The following QTMAN variants were observed in gnomAD, a reference collection of about 807,000 sequenced individuals.
The protein encoded by QTMAN is tRNA-queuosine alpha-mannosyltransferase.
chr2:143,984,735 G>A, the QTMAN span, among the ~76,000 whole-genome samples: 2 of 152,208 alleles, frequency 1.3e-5, no homozygotes, highest in South Asian at 2.1e-4. Flanking sequence ...TGAACATCGA[G>A]AGGAGAAGCA....
chr2:144,048,252 A>AAT, the QTMAN span, among the ~76,000 whole-genome samples: 1 of 152,234 alleles, frequency 6.6e-6, no homozygotes, highest in Non-Finnish European at 1.5e-5. Context: ...CTCAGCAATT[A>AAT]ATATACATGG....
chr2:144,292,718 G>A, the QTMAN span, among the ~76,000 whole-genome samples: 4 of 151,822 alleles, frequency 2.6e-5, no homozygotes, highest in Admixed American at 6.6e-5. Flanking sequence ...CAATAAACTG[G>A]GACATGTCTA....
At chr2:143,953,931 C>T in the QTMAN span, among the ~76,000 whole-genome samples, 1 of 151,726 alleles carries the variant, frequency 6.6e-6, no homozygotes, top group African/African-American at 2.4e-5. Context: ...CCCTATTTTC[C>T]TATGTTAAGT....
chr2:144,090,534 A>G, the QTMAN span, among the ~76,000 whole-genome samples: 1 of 152,086 alleles, frequency 6.6e-6, no homozygotes, highest in East Asian at 1.9e-4. Flanking sequence ...GATACAAGAT[A>G]AAAATATAAA....
chr2:144,043,632 CAAA>C, the QTMAN span, among the ~76,000 whole-genome samples: 3 of 132,746 alleles, frequency 2.3e-5, no homozygotes, highest in Admixed American at 7.6e-5. Context: ...GACTCCGTCG[CAAA>C]AAAAAAAAAA....
At chr2:144,321,431 G>A in the QTMAN span, among the ~76,000 whole-genome samples, 26 of 152,304 alleles carry the variant, frequency 1.7e-4, no homozygotes, top group African/African-American at 6.0e-4. Flanking sequence ...TAATGAGGCT[G>A]AAACACTCAT....
chr2:144,184,144 T>C, the QTMAN span, among the ~76,000 whole-genome samples: 1 of 152,190 alleles, frequency 6.6e-6, no homozygotes, highest in East Asian at 1.9e-4. Flanking sequence ...TTTATTATTT[T>C]TTTTTATTAA....
chr2:144,182,786 T>TATATATATA, the QTMAN span, among the ~76,000 whole-genome samples: 1 of 16,442 alleles, frequency 6.1e-5, no homozygotes, highest in Non-Finnish European at 1.7e-4. Context: ...TCAGGTACAT[T>TATATATATA]ATATATATAT....
chr2:144,043,283 T>C, the QTMAN span, among the ~76,000 whole-genome samples: 2 of 151,968 alleles, frequency 1.3e-5, no homozygotes, highest in African/African-American at 4.8e-5. Context: ...GTTAAACATA[T>C]ATATATATAT....
the QTMAN span, among the ~76,000 whole-genome samples, chr2:144,207,327 T>C: frequency 1.3e-5 from 2 of 152,186 alleles, no homozygotes; most frequent in Non-Finnish European, 2.9e-5. Flanking sequence ...ATAATTTTCA[T>C]ACAGAAAATC....
chr2:144,245,408 T>C, the QTMAN span, among the ~76,000 whole-genome samples: 5 of 152,234 alleles, frequency 3.3e-5, no homozygotes, highest in South Asian at 2.1e-4. Context: ...GTTGAAAATT[T>C]GTGGAAAAGT....
At chr2:143,958,958 G>A in the QTMAN span, among the ~76,000 whole-genome samples, 27 of 151,956 alleles carry the variant, frequency 1.8e-4, no homozygotes, top group East Asian at 4.8e-3. Flanking sequence ...GCAGTGGAAA[G>A]AGGCTATGAG....
At chr2:144,035,426 T>C in the QTMAN span, among the ~76,000 whole-genome samples, 1 of 152,232 alleles carries the variant, frequency 6.6e-6, no homozygotes, top group Non-Finnish European at 1.5e-5. Context: ...ACAAAAATAT[T>C]GTACTCTTCT....
the QTMAN span, among the ~76,000 whole-genome samples, chr2:144,052,738 GC>G: frequency 6.6e-6 from 1 of 152,132 alleles, no homozygotes; most frequent in Admixed American, 6.5e-5. Flanking sequence ...CGCAACCTCT[GC>G]CTCCTGGGTT....
At chr2:144,136,341 G>A in the QTMAN span, among the ~76,000 whole-genome samples, 1 of 146,732 alleles carries the variant, frequency 6.8e-6, no homozygotes, top group Non-Finnish European at 1.5e-5. Context: ...GGGAGGGGAG[G>A]GGAGCGGAGG....
chr2:144,177,309 T>G, the QTMAN span: 2 of 623,958 alleles, frequency 3.2e-6, no homozygotes, highest in South Asian at 3.9e-5. Flanking sequence ...TGATTCTAAT[T>G]TTCATAGCCG....
At chr2:144,077,491 T>C in the QTMAN span, among the ~76,000 whole-genome samples, 4 of 152,356 alleles carry the variant, frequency 2.6e-5, no homozygotes, top group African/African-American at 9.6e-5. Context: ...AAATCTGTTT[T>C]TACCTAAACA....
chr2:144,195,398 TAAA>T, the QTMAN span, among the ~76,000 whole-genome samples: 2 of 152,144 alleles, frequency 1.3e-5, no homozygotes, highest in African/African-American at 2.4e-5. Flanking sequence ...TTAATAGATG[TAAA>T]ACATATGCAT....
the QTMAN span, chr2:144,145,571 C>A: frequency 3.7e-6 from 6 of 1,603,614 alleles, no homozygotes; most frequent in Non-Finnish European, 5.1e-6. Flanking sequence ...TCCATACCTA[C>A]CATGAAAGAA....
Sources: gnomAD v4.1 joint callset for allele counts (sites outside exome capture counted in the v4.1 genomes callset) on GRCh38, gnomAD v4.1.1 for gene constraint, MANE v1.5 for transcripts, NCBI Gene and HGNC (gene_info 2026-07-23, HGNC 2026-07-21) for gene names.